Variants in DNAI4 observed in about 807,000 individuals in gnomAD.
DNAI4 encodes dynein axonemal intermediate chain 4, also known as WD repeat domain 78.
In DNAI4, 85 loss-of-function variants were observed where a neutral mutation model predicts 105.8. The observed-to-expected ratio is 0.80, with a 90% CI of 0.67 to 0.96. DNAI4 has a LOEUF of 0.96. Ranked by LOEUF, DNAI4 falls within the 40% of genes least tolerant of loss-of-function variation. DNAI4 has a pLI of 0.00. For synonymous variants in DNAI4, 352 were observed against 331.5 expected, an observed-to-expected ratio of 1.06 and a Z score of -0.67; for missense variants, 1,014 against 1,005.6, an observed-to-expected ratio of 1.01 and a Z score of -0.11.
chr1:66,837,871 A>G (rs912869490), intron 9 of DNAI4, 75 bp from the exon 10 acceptor site: 3 of 1,327,252 alleles, frequency 2.3e-6, no homozygotes, highest in African/African-American at 1.5e-5. Context: ...AAAGATATAT[A>G]TTAATGAGCT....
At chr1:66,856,239 G>A (rs55768158) in intron 7 of DNAI4, among the ~76,000 whole-genome samples, 1 of 151,814 alleles carries the variant, frequency 6.6e-6, no homozygotes, top group Non-Finnish European at 1.5e-5. Flanking sequence ...GGAGGCCGAG[G>A]TGGGCAGATC....
At chr1:66,870,748 C>CAAAAAAAAAA (rs1184105731) in intron 6 of DNAI4, 5 of 16,612 alleles carry the variant, frequency 3.0e-4, no homozygotes, top group African/African-American at 4.6e-4. Context: ...GACTCTGACG[C>CAAAAAAAAAA]AAAAAAAAAA....
Position 66,814,080 on chromosome 1 carries a change from G to A in DNAI4, c.*50C>T, listed in dbSNP as rs368936214. 1.9e-5 allele frequency: 28 copies of A among 1,477,776 alleles called. No individual in the cohort carries two copies. The African/African-American group carries it at 3.5e-4, about 18-fold the overall frequency. The allele number at this position is 1,477,776 out of a possible 1,614,324, so 91.5% of individuals were successfully genotyped here. On this transcript the variant is annotated 3_prime_UTR_variant, in exon 17 of 17. Coordinates refer to ENST00000371026, the MANE Select transcript of DNAI4 (RefSeq NM_024763.5). ...CAGTATGTAATACAGAATATTGGAT[G>A]TTAATTCCTTTTTTAAAACAACTAC...
chr1:66,822,671 CT>C (rs1468985676), intron 15 of DNAI4, among the ~76,000 whole-genome samples, 154 bp from the exon 16 acceptor site: 2 of 152,132 alleles, frequency 1.3e-5, no homozygotes, highest in Non-Finnish European at 2.9e-5. Flanking sequence ...CTCCTCACTC[CT>C]TACTCAATCA....
At chr1:66,842,044 T>G (rs976852827) in intron 8 of DNAI4, among the ~76,000 whole-genome samples, 2 of 152,232 alleles carry the variant, frequency 1.3e-5, no homozygotes, top group Admixed American at 6.5e-5. Context: ...TCTCCATATT[T>G]TGCCTTTTCC....
intron 8 of DNAI4, among the ~76,000 whole-genome samples, chr1:66,845,218 A>AAAAAAAAAAAAAAAAAAAAAAAAAAATT (rs1646251781): frequency 4.9e-5 from 1 of 20,452 alleles, no homozygotes; most frequent in Non-Finnish European, 1.6e-4. Flanking sequence ...AAGAAAAATT[A>AAAAAAAAAAAAAAAAAAAAAAAAAAATT]AAAAAAAAAA....
At chr1:66,833,532 T>C in intron 13 of DNAI4, 53 bp downstream of exon 13, 1 of 1,597,434 alleles carries the variant, frequency 6.3e-7, no homozygotes, top group Non-Finnish European at 8.5e-7. Context: ...TTAATACACT[T>C]CAATTTTTGG....
At chr1:66,863,766 A>T (rs1331733759) in intron 6 of DNAI4, among the ~76,000 whole-genome samples, 1 of 152,146 alleles carries the variant, frequency 6.6e-6, no homozygotes, top group African/African-American at 2.4e-5. Context: ...CCTCAATGGT[A>T]AGAATGTTAA....
At chr1:66,835,566 T>C in intron 11 of DNAI4, 60 bp downstream of exon 11, 3 of 1,531,690 alleles carry the variant, frequency 2.0e-6, no homozygotes, top group Non-Finnish European at 2.7e-6. Flanking sequence ...TAAATAACAT[T>C]AGAGTAAATC....
chr1:66,836,036 A>G (rs1479871469), intron 10 of DNAI4, among the ~76,000 whole-genome samples: 1 of 151,466 alleles, frequency 6.6e-6, no homozygotes, highest in Non-Finnish European at 1.5e-5. Context: ...CACTCCTGGA[A>G]TCCTAGCTAC....
At position 66,833,693 on chromosome 1, in the gene DNAI4, T is replaced by C. The variant is rs752629561; in HGVS notation, c.1905A>G (p.Leu635=). 6.2e-7 allele frequency: 1 copy of C among 1,612,964 alleles called. No individual in the cohort carries two copies. The highest frequency in any genetic ancestry group is 1.1e-5 in the South Asian group (1 of 91,014). The change falls in exon 13 of 17, where the codon TTA becomes TTG. Residue 635 remains leucine (L), a synonymous_variant. Transcript: ENST00000371026. ...KGLDCYDLMR[L]KRTTAASNKK... ...TGTTACTGGCAGCTGTAGTTCTCTT[T>C]AATCGCATCAAATCTGTATTTAAAG...
intron 6 of DNAI4, among the ~76,000 whole-genome samples, chr1:66,867,549 T>C (rs1210707095): frequency 1.3e-5 from 2 of 152,168 alleles, no homozygotes; most frequent in Non-Finnish European, 2.9e-5. Flanking sequence ...TTTTTATTCT[T>C]TGGATTTTTT....
intron 5 of DNAI4, among the ~76,000 whole-genome samples, chr1:66,873,852 C>CTTTT (rs749140367): frequency 2.8e-4 from 31 of 110,158 alleles, no homozygotes; most frequent in African/African-American, 7.3e-4. Flanking sequence ...TCCCTCTTTC[C>CTTTT]TTTTTTTTTT....
chr1:66,904,668 T>C (rs180698876), intron 2 of DNAI4, among the ~76,000 whole-genome samples: 26 of 152,272 alleles, frequency 1.7e-4, no homozygotes, highest in African/African-American at 6.3e-4. Context: ...AGAGAAAAAG[T>C]TTTAATTTTG....
intron 7 of DNAI4, among the ~76,000 whole-genome samples, chr1:66,855,821 T>C (rs1019399828): frequency 6.6e-6 from 1 of 152,108 alleles, no homozygotes; most frequent in Non-Finnish European, 1.5e-5. Context: ...AGTAAAGATA[T>C]AGGTTTGTTG....
chr1:66,869,670 T>G (rs925879372), intron 6 of DNAI4, among the ~76,000 whole-genome samples: 1 of 152,152 alleles, frequency 6.6e-6, no homozygotes, highest in Non-Finnish European at 1.5e-5. Flanking sequence ...AAAACAGAGA[T>G]CAAAATTACC....
At chr1:66,845,190 C>CAAAAAAAAAAAAAAAAAAAAAAAAAAA (rs59265844) in intron 8 of DNAI4, among the ~76,000 whole-genome samples, 25 of 106,296 alleles carry the variant, frequency 2.4e-4, no homozygotes, top group East Asian at 3.7e-4. Flanking sequence ...AACTCCATCT[C>CAAAAAAAAAAAAAAAAAAAAAAAAAAA]AAAAAAAAAA....
chr1:66,816,955 T>A lies in DNAI4; in HGVS notation c.2497-2775A>T, dbSNP rs535933809. On this transcript the variant is annotated intron_variant, in intron 16 of 16. Coordinates refer to ENST00000371026, the MANE Select transcript of DNAI4 (RefSeq NM_024763.5). ...TATAAATGTGTCTACTAAAAATATG[T>A]TTTTATTTTTGTGTTTAAATAATAC... 2.7e-3 allele frequency among the ~76,000 whole-genome samples: 409 copies of A among 152,234 alleles called. 2 individuals are homozygous for A. Among genetic ancestry groups the A allele is most frequent in the African/African-American group, 8.9e-3 (369 of 41,548 alleles).
rs144553804 is a variant in DNAI4, at chr1:66,909,056, G to C, written c.171-3681C>G. On this transcript the variant is annotated intron_variant, in intron 1 of 16. Transcript: ENST00000371026. ...CATGCATACCAGATTCCATTTTTCT[G>C]CCTATTCACGGACATTGCTCTAGCA... 5.7e-3 allele frequency among the ~76,000 whole-genome samples: 867 copies of C among 151,404 alleles called. 7 individuals carry two copies. Among genetic ancestry groups the C allele is most frequent in the South Asian group, 8.8e-3 (42 of 4,800 alleles).
Sources: gnomAD v4.1 joint callset for allele counts (sites outside exome capture counted in the v4.1 genomes callset) on GRCh38, gnomAD v4.1.1 for gene constraint, MANE v1.5 for transcripts, NCBI Gene and HGNC (gene_info 2026-07-23, HGNC 2026-07-21) for gene names.